UTP11: variants seen among roughly 807,000 people sequenced by gnomAD.
UTP11 encodes UTP11 small subunit processome component.
In UTP11, 29 loss-of-function variants were observed where a neutral mutation model predicts 39.0. The observed-to-expected ratio is 0.74, with a 90% confidence interval of 0.55 to 1.01. The LOEUF (loss-of-function observed/expected upper bound fraction) is 1.01, where lower values mean the gene tolerates loss of function less well. UTP11 is among the 50% of genes least tolerant of loss of function. The pLI, the probability that UTP11 is intolerant of heterozygous loss-of-function variation, is 0.00. For synonymous variants in UTP11, 111 were observed against 105.0 expected (o/e 1.06, Z -0.35); for missense variants, 281 against 306.0 (o/e 0.92, Z 0.61).
At chr1:38,020,614 T>G (rs1024960989) in intron 6 of UTP11, among the ~76,000 whole-genome samples, 1 of 152,228 alleles carries the variant, frequency 6.6e-6, no homozygotes, top group Non-Finnish European at 1.5e-5. Context: ...TCATTTACAC[T>G]GCATCAGTTT....
rs775162941 is a variant in UTP11, at chr1:38,019,430, GTGTTTTTTTTT to G, written c.567+60_567+70del. ...CACATGTGAGCTTAGGGGAATCTAG[GTGTTTTTTTTT>G]TGTTTTTTTTTTTTTGCTACTGCAT... On this transcript the variant is annotated intron_variant, in intron 6 of 7. Transcript: ENST00000373014. 37 of 1,389,232 alleles carry G rather than the reference GTGTTTTTTTTT, an allele frequency of 2.7e-5. No homozygotes were observed. The East Asian group carries it at 5.1e-4, about 19-fold the overall frequency. 86.1% of individuals were successfully genotyped at this position (1,389,232 alleles called of 1,614,324 possible).
chr1:38,018,653 T>C, intron 4 of UTP11, 76 bp downstream of exon 4: 9 of 1,134,504 alleles, frequency 7.9e-6, no homozygotes, highest in Non-Finnish European at 1.2e-5. Flanking sequence ...AAGTTATTCA[T>C]TAATTTCTTC....
intron 7 of UTP11, 104 bp from the exon 8 acceptor site, chr1:38,023,441 C>CT: frequency 9.9e-7 from 1 of 1,005,452 alleles, no homozygotes; most frequent in Non-Finnish European, 1.5e-6. Context: ...CCGTTCTCAA[C>CT]TTTGAGAAGG....
intron 1 of UTP11, among the ~76,000 whole-genome samples, chr1:38,015,453 T>C (rs1024781488): frequency 5.9e-5 from 9 of 152,336 alleles, no homozygotes; most frequent in Middle Eastern, 3.4e-3. Context: ...CTGCTACTTA[T>C]TAGTTCTGTG....
At chr1:38,023,223 A>G (rs899440691) in intron 7 of UTP11, among the ~76,000 whole-genome samples, 5 of 152,240 alleles carry the variant, frequency 3.3e-5, no homozygotes, top group Non-Finnish European at 7.3e-5. Context: ...CTAAATGTCA[A>G]ATTCTTTAGC....
At chr1:38,018,434 G>A (rs764812100) in intron 3 of UTP11, 30 bp from the exon 4 acceptor site, 1 of 1,498,244 alleles carries the variant, frequency 6.7e-7, no homozygotes, top group South Asian at 1.2e-5. Context: ...TAATCTAATA[G>A]GGAATATATC....
chr1:38,018,165 G>A (rs778078566), intron 3 of UTP11, among the ~76,000 whole-genome samples: 5 of 151,968 alleles, frequency 3.3e-5, no homozygotes, highest in Non-Finnish European at 7.4e-5. Flanking sequence ...CTGCCTCCCG[G>A]GTTCAAGTGA....
At chr1:38,017,848 G>C in intron 3 of UTP11, 78 bp downstream of exon 3, 2 of 1,298,996 alleles carry the variant, frequency 1.5e-6, no homozygotes, top group Non-Finnish European at 2.2e-6. Flanking sequence ...TGGAGAGGAA[G>C]AATCGTTGGC....
At chr1:38,023,472 G>T in intron 7 of UTP11, 73 bp from the exon 8 acceptor site, 2 of 1,356,086 alleles carry the variant, frequency 1.5e-6, no homozygotes, top group Non-Finnish European at 1.0e-6. Flanking sequence ...GTGCTAATAG[G>T]TAGTTTATTA....
Position 38,019,157 on chromosome 1 carries a change from G to T in UTP11, c.436+5G>T, listed in dbSNP as rs945662396. 1 of 1,613,906 alleles carries T rather than the reference G, an allele frequency of 6.2e-7. No homozygotes were observed. The highest frequency in any genetic ancestry group is 1.7e-5 in the Admixed American group (1 of 59,960). ...TTTTTGACACCAAAAAGGAAGGTAT[G>T]AAATGTTTGAAGGTTTCTGGGACAG... On this transcript the variant is annotated splice_donor_5th_base_variant and intron_variant, in intron 5 of 7. Coordinates refer to ENST00000373014, the MANE Select transcript of UTP11 (RefSeq NM_016037.4).
At chr1:38,013,152 C>G (rs1557768287) in intron 1 of UTP11, among the ~76,000 whole-genome samples, 2 of 152,140 alleles carry the variant, frequency 1.3e-5, no homozygotes, top group Admixed American at 6.5e-5. Flanking sequence ...CTGTCAAGTG[C>G]CTGGTCTCTT....
At chr1:38,013,937 A>G (rs1247295477) in intron 1 of UTP11, among the ~76,000 whole-genome samples, 3 of 152,018 alleles carry the variant, frequency 2.0e-5, no homozygotes, top group Non-Finnish European at 2.9e-5. Context: ...CTGGTCTCGA[A>G]CTCCTGACCT....
intron 1 of UTP11, 68 bp downstream of exon 1, chr1:38,012,933 C>A: frequency 1.3e-6 from 2 of 1,596,246 alleles, no homozygotes; most frequent in South Asian, 1.1e-5. Context: ...CCAACCCTGT[C>A]GCCACCGTGG....
chr1:38,019,162 G>A lies in UTP11; in HGVS notation c.436+10G>A. On this transcript the variant is annotated intron_variant, in intron 5 of 7. Transcript: ENST00000373014. ...GACACCAAAAAGGAAGGTATGAAATGTTTGAAGGTTTCTGGGACAGTCTAC... is the reference window on the plus strand; with the variant it reads ...GACACCAAAAAGGAAGGTATGAAATATTTGAAGGTTTCTGGGACAGTCTAC... 6.2e-7 allele frequency: 1 copy of A among 1,613,980 alleles called. No individual in the cohort carries two copies. Among genetic ancestry groups the A allele is most frequent in the Non-Finnish European group, 8.5e-7 (1 of 1,179,966 alleles).
chr1:38,014,457 T>G (rs141970428), intron 1 of UTP11, among the ~76,000 whole-genome samples: 54 of 152,362 alleles, frequency 3.5e-4, no homozygotes, highest in African/African-American at 1.2e-3. Context: ...GTAAACTATT[T>G]CAGATACAAT....
At chr1:38,021,304 C>T (rs1424904110) in intron 6 of UTP11, among the ~76,000 whole-genome samples, 1 of 152,132 alleles carries the variant, frequency 6.6e-6, no homozygotes, top group African/African-American at 2.4e-5. Flanking sequence ...TTCCAAATTC[C>T]CATGTAGAAT....
In UTP11 at chr1:38,022,818, A is replaced by G. The variant is rs1472700664; in HGVS notation, c.678+9A>G. The G allele has an allele frequency of 2.6e-5, 41 of 1,584,844 alleles. No individual in the cohort carries two copies. Among genetic ancestry groups the G allele is most frequent in the Non-Finnish European group, 3.5e-5 (40 of 1,158,060 alleles). On this transcript the variant is annotated intron_variant, in intron 7 of 7. Transcript: ENST00000373014. ...CACGCAAAGATCTTATGGTGAGGAG[A>G]GAGAGCCTTAGGCCTCTTTTTTTTT...
Position 38,019,139 on chromosome 1 carries a change from C to T in UTP11, c.423C>T (p.Asp141=), listed in dbSNP as rs1386011744. The change falls in exon 5 of 8, where the codon GAC becomes GAT. Residue 141 remains aspartate, a synonymous_variant. Transcript: ENST00000373014. Reference sequence around the variant, plus strand: ...AGAACAAGCATGTGTTCTTTTTTGACACCAAAAAGGAAGGTATGAAATGTT... The same window carrying T: ...AGAACAAGCATGTGTTCTTTTTTGATACCAAAAAGGAAGGTATGAAATGTT... The part of the protein sequence containing the change: ...KQQNKHVFFF[D]TKKEVEQFDV... 5 of 1,613,272 alleles carry T rather than the reference C, an allele frequency of 3.1e-6. No homozygotes were observed. The African/African-American group carries it at 6.7e-5, about 22-fold the overall frequency.
intron 6 of UTP11, among the ~76,000 whole-genome samples, chr1:38,020,851 A>G: frequency 6.6e-6 from 1 of 152,170 alleles, no homozygotes; most frequent in East Asian, 1.9e-4. Flanking sequence ...TTCCTTCTGT[A>G]GATAACACTT....
Sources: allele counts gnomAD v4.1 joint callset (sites outside exome capture counted in the v4.1 genomes callset), GRCh38; gene constraint gnomAD v4.1.1; transcripts MANE v1.5; gene names NCBI Gene and HGNC (gene_info 2026-07-23, HGNC 2026-07-21).